Variants in SCARF2 observed in about 807,000 individuals in gnomAD.
SCARF2 encodes scavenger receptor class F member 2.
Under a neutral mutation model 73.4 loss-of-function variants are expected in SCARF2, and 39 were observed. That is an observed-to-expected ratio of 0.53 (90% CI 0.41 to 0.69). The LOEUF is 0.69. Among genes scored for constraint, SCARF2 ranks in the 30% least tolerant of loss-of-function variants. The pLI is 0.00. For synonymous variants in SCARF2, 605 were observed against 590.0 expected (o/e 1.03, Z -0.37); for missense variants, 1,148 against 1,303.5 (o/e 0.88, Z 1.84).
chr22:20,430,899 C>T lies in SCARF2; in HGVS notation c.864G>A (p.Gln288=), dbSNP rs1232984300. 6.3e-7 allele frequency: 1 copy of T among 1,594,468 alleles called. No homozygotes were observed. The highest frequency in any genetic ancestry group is 1.3e-5 in the African/African-American group (1 of 74,896). The change falls in exon 5 of 11, where the codon CAG becomes CAA. Residue 288 remains glutamine (Q), a synonymous_variant. Transcript: ENST00000622235. ...CCGTGCACGGCTGCTGGCCCTTGCA[C>T]TGGCCACACCTGGGGGAGGGGTCGG... ...YGLGCRRRCG[Q]CKGQQPCTVA...
rs540730153 is a variant in SCARF2, at chr22:20,429,151, C to T, written c.1540+74G>A. On this transcript the variant is annotated intron_variant, in intron 9 of 10. Coordinates refer to ENST00000622235, the MANE Select transcript of SCARF2 (RefSeq NM_182895.5). This position sits in a 1 kb window ranked among gnomAD's most constrained non-coding sequence, Gnocchi z 5.2. ...CATTTCCTCACTGAGATCTGGACCC[C>T]CTCACACCCATTTCCCAGCAGCTTC... 1 of 1,592,394 alleles carries T rather than the reference C, an allele frequency of 6.3e-7. No homozygotes were observed. Among genetic ancestry groups the T allele is most frequent in the South Asian group, 1.1e-5 (1 of 90,042 alleles).
rs932676089 is a variant in SCARF2, at chr22:20,426,155, G to C, written c.1821C>G (p.Asp607Glu). 2.0e-6 allele frequency: 3 copies of C among 1,479,684 alleles called. No individual in the cohort carries two copies. Among genetic ancestry groups the C allele is most frequent in the South Asian group, 2.6e-5 (2 of 76,132 alleles). The allele number at this position is 1,479,684 out of a possible 1,614,324, so 91.7% of individuals were successfully genotyped here. ...CCACGCTGGACGCCGACCGCTCGCT[G>C]TCGGAGGACGCGGGGAGGGGTATCG... is the stretch of plus-strand genomic sequence containing the variant. Reference protein sequence around the residue: ...EEAIPLPASSDSERSASSVEG... With the variant: ...EEAIPLPASSESERSASSVEG... Residue 607 changes from aspartate to glutamate, a missense_variant, in exon 11 of 11, where the codon GAC (aspartate) becomes GAG (glutamate). Asp to Glu is a conservative substitution (Grantham distance 45). Transcript: ENST00000622235.
chr22:20,429,165 C>T lies in SCARF2; in HGVS notation c.1540+60G>A. On this transcript the variant is annotated intron_variant, in intron 9 of 10. Coordinates refer to ENST00000622235, the MANE Select transcript of SCARF2 (RefSeq NM_182895.5). This position sits in a 1 kb window ranked among gnomAD's most constrained non-coding sequence, Gnocchi z 5.2. ...GATCTGGACCCCCTCACACCCATTT[C>T]CCAGCAGCTTCCTGCGTCGAGAGGT... The T allele has an allele frequency of 1.2e-6, 2 of 1,610,200 alleles. No individual in the cohort carries two copies. Among genetic ancestry groups the T allele is most frequent in the Non-Finnish European group, 1.7e-6 (2 of 1,176,916 alleles).
Position 20,430,491 on chromosome 22 carries a change from G to A in SCARF2, c.1140C>T (p.Gly380=), listed in dbSNP as rs1164184976. 7 of 1,600,532 alleles carry A rather than the reference G, an allele frequency of 4.4e-6. No homozygotes were observed. The highest frequency in any genetic ancestry group is 6.0e-6 in the Non-Finnish European group (7 of 1,174,434). The change falls in exon 6 of 11, where the codon GGC becomes GGT. Residue 380 remains glycine, a synonymous_variant. Coordinates refer to ENST00000622235, the MANE Select transcript of SCARF2 (RefSeq NM_182895.5). ...EDCAFVCADC[G]SGHCDFQSGR... ...CCGACTGGAAGTCGCAGTGTCCGCTGCCGCAGTCGGCGCACACGAAGGCGC... is the reference window on the plus strand; with the variant it reads ...CCGACTGGAAGTCGCAGTGTCCGCTACCGCAGTCGGCGCACACGAAGGCGC...
chr22:20,426,180 G>C lies in SCARF2; in HGVS notation c.1796C>G (p.Ala599Gly), dbSNP rs1290926703. 4 of 1,506,680 alleles carry C rather than the reference G, an allele frequency of 2.7e-6. No individual in the cohort carries two copies. The highest frequency in any genetic ancestry group is 3.5e-6 in the Non-Finnish European group (4 of 1,133,378). The allele number at this position is 1,506,680 out of a possible 1,614,324, so 93.3% of individuals were successfully genotyped here. ...PLTTPASAEE[A>G]IPLPASSDSE... ...GTCGGAGGACGCGGGGAGGGGTATC[G>C]CCTCCTCGGCGGAGGCTGGCGTGGT... Residue 599 changes from alanine (A) to glycine (G), a missense_variant, in exon 11 of 11, where the codon GCG becomes GGG. This residue lies in a region of SCARF2 where 437 missense variants were observed against 433.6 expected (regional missense o/e 1.01). Coordinates refer to ENST00000622235, the MANE Select transcript of SCARF2 (RefSeq NM_182895.5).
chr22:20,429,527 T>A lies in SCARF2; in HGVS notation c.1424+9A>T. Reference sequence around the variant, plus strand: ...ACCCAGGCGAAAGCGGGGCAGTATCTGGGCTCACCGGCGCGTAGGGTCCTT... The same window carrying A: ...ACCCAGGCGAAAGCGGGGCAGTATCAGGGCTCACCGGCGCGTAGGGTCCTT... On this transcript the variant is annotated intron_variant, in intron 8 of 10. Coordinates refer to ENST00000622235, the MANE Select transcript of SCARF2 (RefSeq NM_182895.5). This position sits in a 1 kb window ranked among gnomAD's most constrained non-coding sequence, Gnocchi z 5.2. 1 of 1,612,124 alleles carries A rather than the reference T, an allele frequency of 6.2e-7. No homozygotes were observed. Among genetic ancestry groups the A allele is most frequent in the Non-Finnish European group, 8.5e-7 (1 of 1,179,570 alleles).
At chr22:20,427,791 A>C (rs934747000) in intron 9 of SCARF2, among the ~76,000 whole-genome samples, 1 of 152,256 alleles carries the variant, frequency 6.6e-6, no homozygotes, top group Non-Finnish European at 1.5e-5. Context: ...AAGTGTGTGC[A>C]TCCAGGGAGC....
chr22:20,428,168 G>A (rs1174417448), intron 9 of SCARF2, among the ~76,000 whole-genome samples: 1 of 152,044 alleles, frequency 6.6e-6, no homozygotes, highest in Non-Finnish European at 1.5e-5. Context: ...TCTCTCTCTT[G>A]CTTGCTTGCT....
intron 6 of SCARF2, 88 bp downstream of exon 6, chr22:20,430,341 C>A: frequency 6.8e-7 from 1 of 1,472,194 alleles, no homozygotes; most frequent in Non-Finnish European, 9.2e-7. Context: ...GATAACCCAG[C>A]TCAGGGTGGA....
In SCARF2 at chr22:20,429,102, C is replaced by T. The variant is rs1473962633; in HGVS notation, c.1540+123G>A. On this transcript the variant is annotated intron_variant, in intron 9 of 10. Coordinates refer to ENST00000622235, the MANE Select transcript of SCARF2 (RefSeq NM_182895.5). This position sits in a 1 kb window ranked among gnomAD's most constrained non-coding sequence, Gnocchi z 5.2. Reference sequence around the variant, plus strand: ...CTCTGGTCGCACCTCCTCGCGCCCACGCACATCAACACTCAAGGTCCCCCA... The same window carrying T: ...CTCTGGTCGCACCTCCTCGCGCCCATGCACATCAACACTCAAGGTCCCCCA... 3 of 1,322,008 alleles carry T rather than the reference C, an allele frequency of 2.3e-6. No homozygotes were observed. The highest frequency in any genetic ancestry group is 1.2e-5 in the South Asian group (1 of 81,172). 81.9% of individuals were successfully genotyped at this position (1,322,008 alleles called of 1,614,324 possible).
rs761091391 is a variant in SCARF2 at position 20,425,799 on chromosome 22, A to T, written c.2177T>A (p.Leu726Gln). 2.0e-6 allele frequency: 3 copies of T among 1,478,208 alleles called. No homozygotes were observed. Among genetic ancestry groups the T allele is most frequent in the East Asian group, 5.6e-5 (2 of 35,602 alleles). 91.6% of individuals were successfully genotyped at this position (1,478,208 alleles called of 1,614,324 possible). The change falls in exon 11 of 11, where the codon CTG becomes CAG. Residue 726 changes from leucine (L) to glutamine (Q), a missense_variant. This residue lies in a region of SCARF2 where 437 missense variants were observed against 433.6 expected (regional missense o/e 1.01). Coordinates refer to ENST00000622235, the MANE Select transcript of SCARF2 (RefSeq NM_182895.5). This position sits in a 1 kb window ranked among gnomAD's most constrained non-coding sequence, Gnocchi z 4.6. ...AGCGAGGGCTGTCGCCTCCTCGGGC[A>T]GCCCGGGGGGCCGCGGCGTTGGGTC... ...TRDPTPRPPG[L>Q]PEEATALAAP... is the part of the protein sequence containing the mutation.
At chr22:20,431,643 A>T (rs2052649364) in intron 3 of SCARF2, 102 bp downstream of exon 3, 1 of 1,538,628 alleles carries the variant, frequency 6.5e-7, no homozygotes, top group African/African-American at 1.4e-5. Flanking sequence ...ACCTCTGGGG[A>T]CCCGCCCCGA....
chr22:20,431,915 G>A lies in SCARF2; in HGVS notation c.232+15C>T. ...CCCCCTCCCCCGCCCCAGGTCCCCG[G>A]GATGACCCACTCACCAATCCCACAC... is the stretch of plus-strand genomic sequence containing the variant. On this transcript the variant is annotated intron_variant, in intron 2 of 10. Coordinates refer to ENST00000622235, the MANE Select transcript of SCARF2 (RefSeq NM_182895.5). 6.2e-7 allele frequency: 1 copy of A among 1,602,390 alleles called. No individual in the cohort carries two copies. Among genetic ancestry groups the A allele is most frequent in the Non-Finnish European group, 8.5e-7 (1 of 1,175,776 alleles).
chr22:20,429,319 C>G lies in SCARF2; in HGVS notation c.1446G>C (p.Lys482Asn). 1.2e-6 allele frequency: 2 copies of G among 1,602,758 alleles called. No individual in the cohort carries two copies. Among genetic ancestry groups the G allele is most frequent in the Non-Finnish European group, 1.7e-6 (2 of 1,174,198 alleles). The change falls in exon 9 of 11, where the codon AAG becomes AAC. Residue 482 changes from lysine to asparagine, a missense_variant. Around this residue, in one of 5 missense-constraint regions of SCARF2, gnomAD observed 437 missense variants for 433.6 expected, o/e 1.01. Transcript: ENST00000622235. This position sits in a 1 kb window ranked among gnomAD's most constrained non-coding sequence, Gnocchi z 5.2. ...PTRRELSLGR[K>N]KAPHRLCGRF... ...GCCCGCATAGTCGGTGCGGCGCCTT[C>G]TTCCTCCCAAGCGAAAGCTCCCTGC...
chr22:20,427,488 C>T lies in SCARF2; in HGVS notation c.1603G>A (p.Glu535Lys), dbSNP rs1569106599. Reference protein sequence around the residue: ...CSFLEPPSGLEQPSPSWSSRA... With the variant: ...CSFLEPPSGLKQPSPSWSSRA... ...GAGGACCAGGATGGTGAGGGCTGCT[C>T]CAGCCCTGAGGGTGGCTCCAGGAAG... is the stretch of plus-strand genomic sequence containing the variant. Residue 535 changes from glutamate to lysine, a missense_variant, in exon 10 of 11, where the codon GAG becomes AAG. Glu to Lys is a moderately conservative substitution (Grantham distance 56, BLOSUM62 1). Coordinates refer to ENST00000622235, the MANE Select transcript of SCARF2 (RefSeq NM_182895.5). The T allele has an allele frequency of 1.2e-6, 2 of 1,614,008 alleles. No homozygotes were observed. The highest frequency in any genetic ancestry group is 3.3e-5 in the Admixed American group (2 of 60,012).
At position 20,429,663 on chromosome 22, in the gene SCARF2, G is replaced by T. The variant is rs759996535; in HGVS notation, c.1307-10C>A. The T allele has an allele frequency of 6.2e-7, 1 of 1,614,018 alleles. No homozygotes were observed. Among genetic ancestry groups the T allele is most frequent in the African/African-American group, 1.3e-5 (1 of 75,056 alleles). On this transcript the variant is annotated splice_polypyrimidine_tract_variant and intron_variant, in intron 7 of 10. Coordinates refer to ENST00000622235, the MANE Select transcript of SCARF2 (RefSeq NM_182895.5). This position sits in a 1 kb window ranked among gnomAD's most constrained non-coding sequence, Gnocchi z 5.2. Reference sequence around the variant, plus strand: ...TTGCGCTGGTTGGTTTCTGTAGGGGGTTATGGGGTCAGCGCGGTTTCTGGC... The same window carrying T: ...TTGCGCTGGTTGGTTTCTGTAGGGGTTTATGGGGTCAGCGCGGTTTCTGGC...
Position 20,427,517 on chromosome 22 carries a change from C to T in SCARF2, c.1574G>A (p.Cys525Tyr). 1.2e-6 allele frequency: 2 copies of T among 1,613,820 alleles called. No homozygotes were observed. Among genetic ancestry groups the T allele is most frequent in the Non-Finnish European group, 1.7e-6 (2 of 1,180,014 alleles). Residue 525 changes from cysteine (C) to tyrosine (Y), a missense_variant, in exon 10 of 11, where the codon TGC (cysteine) becomes TAC (tyrosine). Transcript: ENST00000622235. The part of the protein sequence containing the change: ...AHHDLDNTLN[C>Y]SFLEPPSGLE... The stretch of plus-strand genomic sequence containing the variant: ...CCCTGAGGGTGGCTCCAGGAAGCTG[C>T]AGTTGAGTGTGTTATCCAGGTCGTG...
chr22:20,428,666 C>T (rs1488383422), intron 9 of SCARF2, among the ~76,000 whole-genome samples: 3 of 152,166 alleles, frequency 2.0e-5, no homozygotes, highest in Non-Finnish European at 4.4e-5. Context: ...CCTTCCCCTC[C>T]ATCTTTAGAA....
Position 20,432,077 on chromosome 22 carries a change from C to T in SCARF2, c.174-89G>A, listed in dbSNP as rs918832731. 6.6e-5 allele frequency: 89 copies of T among 1,347,370 alleles called. No homozygotes were observed. In the Middle Eastern group the frequency reaches 9.2e-4, roughly 14 times the overall value. The allele number at this position is 1,347,370 out of a possible 1,614,324, so 83.5% of individuals were successfully genotyped here. On this transcript the variant is annotated intron_variant, in intron 1 of 10. Coordinates refer to ENST00000622235, the MANE Select transcript of SCARF2 (RefSeq NM_182895.5). The stretch of plus-strand genomic sequence containing the variant: ...TCCTCCGCAGCCTCCGCACAGCCTC[C>T]CTGCCTCTGCAGTTGCGCTCCTGTC...
Sources: allele counts gnomAD v4.1 joint callset (sites outside exome capture counted in the v4.1 genomes callset), GRCh38; gene constraint gnomAD v4.1.1; regional missense constraint gnomAD v4.1.1; non-coding constraint Gnocchi (gnomAD v3.1); transcripts MANE v1.5; gene names NCBI Gene and HGNC (gene_info 2026-07-23, HGNC 2026-07-21).